Variants in TMEM132B observed in about 807,000 individuals in gnomAD.
TMEM132B encodes the protein transmembrane protein 132B.
TMEM132B carries 18 observed loss-of-function variants against 90.8 expected under a neutral mutation model. The ratio of observed to expected loss-of-function variants is 0.20; its 90% confidence interval spans 0.14 to 0.29. The LOEUF (loss-of-function observed/expected upper bound fraction) is 0.29. Among genes scored for constraint, TMEM132B ranks in the 10% least tolerant of loss-of-function variants. TMEM132B has a pLI of 1.00. For synonymous variants in TMEM132B, 504 were observed against 523.3 expected (o/e 0.96, Z 0.50); for missense variants, 1,096 against 1,326.8 (o/e 0.83, Z 2.70).
intron 3 of TMEM132B, among the ~76,000 whole-genome samples, chr12:125,462,434 T>TAGAC (rs1881461694): frequency 6.6e-6 from 1 of 152,154 alleles, no homozygotes; most frequent in Non-Finnish European, 1.5e-5. Flanking sequence ...GCAGTGAAGC[T>TAGAC]AGACCATAAA....
intron 4 of TMEM132B, among the ~76,000 whole-genome samples, chr12:125,565,000 GTAAC>G (rs1884626989): frequency 6.6e-6 from 1 of 152,188 alleles, no homozygotes; most frequent in African/African-American, 2.4e-5. Flanking sequence ...AATACAACCA[GTAAC>G]TAACCTTTTT....
Position 125,652,433 on chromosome 12 carries a change from C to A in TMEM132B, c.1915-8C>A. The stretch of plus-strand genomic sequence containing the variant: ...AGAGATGCATGAGTCTCCTCGCTGA[C>A]TTTTCAGGTCCTCTCGCCGTTGTCT... On this transcript the variant is annotated splice_region_variant and splice_polypyrimidine_tract_variant and intron_variant, in intron 7 of 8. Coordinates refer to ENST00000682704, the MANE Select transcript of TMEM132B (RefSeq NM_001366854.1). The A allele has an allele frequency of 1.3e-6, 2 of 1,587,574 alleles. No homozygotes were observed.
intron 5 of TMEM132B, among the ~76,000 whole-genome samples, chr12:125,637,162 T>C (rs1449355409): frequency 3.9e-5 from 6 of 152,204 alleles, no homozygotes; most frequent in African/African-American, 1.4e-4. Context: ...TGCTTTTCAG[T>C]GCTCTACATT....
intron 3 of TMEM132B, among the ~76,000 whole-genome samples, chr12:125,437,741 T>G (rs7961166): frequency 0.1 from 15,233 of 152,208 alleles, 744 homozygotes; most frequent in Non-Finnish European, 0.11. Context: ...TGGTGTGTGA[T>G]TCCATATATA....
intron 1 of TMEM132B, among the ~76,000 whole-genome samples, chr12:125,268,217 G>T (rs1874742175): frequency 6.6e-6 from 1 of 152,224 alleles, no homozygotes. Flanking sequence ...TTTATACACT[G>T]TGTTAGAAGT....
intron 2 of TMEM132B, among the ~76,000 whole-genome samples, chr12:125,412,129 G>T (rs1879864991): frequency 6.6e-6 from 1 of 152,154 alleles, no homozygotes; most frequent in South Asian, 2.1e-4. Flanking sequence ...AGTCTCTGTC[G>T]GGATAAACCA....
intron 1 of TMEM132B, among the ~76,000 whole-genome samples, chr12:125,347,546 T>G (rs1370634246): frequency 6.6e-6 from 1 of 152,210 alleles, no homozygotes; most frequent in Non-Finnish European, 1.5e-5. Flanking sequence ...AAGCTATATT[T>G]TGCAGAATTT....
chr12:125,555,831 A>G (rs1309101098), intron 4 of TMEM132B, among the ~76,000 whole-genome samples: 1 of 152,222 alleles, frequency 6.6e-6, no homozygotes, highest in Admixed American at 6.5e-5. Flanking sequence ...GTTGACGTTT[A>G]TATATCTAAA....
At chr12:125,214,855 G>A (rs1175468314) in intron 1 of TMEM132B, among the ~76,000 whole-genome samples, 1 of 152,218 alleles carries the variant, frequency 6.6e-6, no homozygotes, top group African/African-American at 2.4e-5. Context: ...GAGAGACCCG[G>A]CTGGAAATGA....
rs568557647 is a variant in TMEM132B at position 125,513,015 on chromosome 12, C to A, written c.1107-6424C>A. 1.0e-3 allele frequency among the ~76,000 whole-genome samples: 153 copies of A among 152,268 alleles called. 1 individual carries two copies. The highest frequency in any genetic ancestry group is 3.4e-3 in the African/African-American group (142 of 41,552). ...GGGAAACGGGGGTGATGAGGGGACC[C>A]CACGCAGTGGGGCTGTGGCAGCTGC... On this transcript the variant is annotated intron_variant, in intron 3 of 8. Coordinates refer to ENST00000682704, the MANE Select transcript of TMEM132B (RefSeq NM_001366854.1).
At chr12:125,226,337 A>G (rs1039762792) in intron 1 of TMEM132B, among the ~76,000 whole-genome samples, 1 of 152,172 alleles carries the variant, frequency 6.6e-6, no homozygotes, top group East Asian at 1.9e-4. Flanking sequence ...AGCTGATAAT[A>G]TTAGTTGACA....
intron 4 of TMEM132B, among the ~76,000 whole-genome samples, chr12:125,577,790 G>C (rs1029278331): frequency 6.6e-6 from 1 of 151,642 alleles, no homozygotes; most frequent in Non-Finnish European, 1.5e-5. Context: ...ATAAGTTTTG[G>C]CATGTTGTGT....
At chr12:125,357,440 C>G (rs1452288217) in intron 2 of TMEM132B, among the ~76,000 whole-genome samples, 1 of 152,124 alleles carries the variant, frequency 6.6e-6, no homozygotes, top group Non-Finnish European at 1.5e-5. Context: ...TTTGTTTACT[C>G]TTTGTCTTTA....
At chr12:125,294,615 C>G (rs1214537076) in intron 1 of TMEM132B, among the ~76,000 whole-genome samples, 2 of 152,214 alleles carry the variant, frequency 1.3e-5, no homozygotes, top group Non-Finnish European at 2.9e-5. Flanking sequence ...TACGAATCTT[C>G]CCAACAAACT....
At chr12:125,236,486 A>G (rs1234919684) in intron 1 of TMEM132B, among the ~76,000 whole-genome samples, 1 of 151,992 alleles carries the variant, frequency 6.6e-6, no homozygotes, top group East Asian at 1.9e-4. Flanking sequence ...ACCCTATTCC[A>G]TTGTTGGGGT....
At chr12:125,187,799 G>T (rs2136044255) in intron 1 of TMEM132B, among the ~76,000 whole-genome samples, 1 of 125,370 alleles carries the variant, frequency 8.0e-6, no homozygotes, top group South Asian at 2.4e-4. Flanking sequence ...AAGCAGTGGA[G>T]AAAATCCTAA....
At chr12:125,362,779 C>G (rs1878001311) in intron 2 of TMEM132B, among the ~76,000 whole-genome samples, 1 of 152,198 alleles carries the variant, frequency 6.6e-6, no homozygotes. Context: ...TTAAAATACA[C>G]AAGTAATACT....
rs535725480 is a variant in TMEM132B, at chr12:125,477,209, T to C, written c.1107-42230T>C. Among the ~76,000 whole-genome samples, 7 of 152,316 alleles carry C rather than the reference T, an allele frequency of 4.6e-5. No individual in the cohort carries two copies. In the South Asian group the frequency reaches 1.0e-3, roughly 23 times the overall value. The stretch of plus-strand genomic sequence containing the variant: ...GGGTTTTGGATCAAATGTGAATATA[T>C]ATATATATTCCCTTTTTTAAGAGTA... On this transcript the variant is annotated intron_variant, in intron 3 of 8. Transcript: ENST00000682704.
At chr12:125,529,089 T>C (rs910031696) in intron 4 of TMEM132B, among the ~76,000 whole-genome samples, 3 of 151,232 alleles carry the variant, frequency 2.0e-5, no homozygotes, top group Admixed American at 6.6e-5. Flanking sequence ...CTCCTTCCTC[T>C]TCCTTCTTCT....
Sources: gnomAD v4.1 joint callset for allele counts (sites outside exome capture counted in the v4.1 genomes callset) on GRCh38, gnomAD v4.1.1 for gene constraint, MANE v1.5 for transcripts, NCBI Gene and HGNC (gene_info 2026-07-23, HGNC 2026-07-21) for gene names.